Variants in CNTNAP2 observed in about 807,000 individuals in gnomAD.
CNTNAP2 encodes contactin associated protein 2, also known as contactin-associated protein-like 2.
Under a neutral mutation model 155.2 loss-of-function variants are expected in CNTNAP2, and 98 were observed. The observed-to-expected ratio is 0.63, with a 90% CI of 0.54 to 0.75. CNTNAP2 has a LOEUF of 0.75. Among genes scored for constraint, CNTNAP2 ranks in the 30% least tolerant of loss-of-function variants. The pLI is 0.00. For synonymous variants in CNTNAP2, 651 were observed against 631.2 expected, an observed-to-expected ratio of 1.03 and a Z score of -0.47; for missense variants, 1,727 against 1,688.1, an observed-to-expected ratio of 1.02 and a Z score of -0.40.
At chr7:147,857,386 T>C (rs376696964) in intron 13 of CNTNAP2, among the ~76,000 whole-genome samples, 19 of 152,342 alleles carry the variant, frequency 1.2e-4, no homozygotes, top group African/African-American at 4.3e-4. Context: ...TCTAAATATC[T>C]ACATATTACA....
intron 9 of CNTNAP2, among the ~76,000 whole-genome samples, chr7:147,304,828 T>A (rs1294474712): frequency 1.3e-5 from 2 of 152,210 alleles, no homozygotes; most frequent in Non-Finnish European, 2.9e-5. Context: ...ACAACATAAA[T>A]ATGTTTTTCA....
rs143967355 is a variant in CNTNAP2, at chr7:148,212,179, G to C, written c.3011-5109G>C. Among the ~76,000 whole-genome samples the C allele has an allele frequency of 6.6e-4, 100 of 151,308 alleles. 1 individual carries two copies. The highest frequency in any genetic ancestry group is 2.3e-3 in the African/African-American group (95 of 41,292). Reference sequence around the variant, plus strand: ...CTCCCACTGTAAGCCTCGGGGATTTGGTTAAACAAGGAGATAAATATCTTT... The same window carrying C: ...CTCCCACTGTAAGCCTCGGGGATTTCGTTAAACAAGGAGATAAATATCTTT... On this transcript the variant is annotated intron_variant, in intron 18 of 23. Coordinates refer to ENST00000361727, the MANE Select transcript of CNTNAP2 (RefSeq NM_014141.6).
chr7:148,363,644 G>A (rs1251452662), intron 21 of CNTNAP2, among the ~76,000 whole-genome samples: 1 of 152,192 alleles, frequency 6.6e-6, no homozygotes, highest in Non-Finnish European at 1.5e-5. Flanking sequence ...TTTGAGAGGT[G>A]ACAGCGTGCT....
intron 3 of CNTNAP2, among the ~76,000 whole-genome samples, chr7:146,998,384 C>A (rs529311050): frequency 6.6e-6 from 1 of 152,002 alleles, no homozygotes; most frequent in East Asian, 1.9e-4. Flanking sequence ...TCACTGTGGT[C>A]TGAAAAGATA....
chr7:147,723,848 C>T (rs1432313819), intron 13 of CNTNAP2, among the ~76,000 whole-genome samples: 1 of 151,962 alleles, frequency 6.6e-6, no homozygotes, highest in Non-Finnish European at 1.5e-5. Context: ...ATTTAGCAAA[C>T]CCGTGACCTC....
intron 1 of CNTNAP2, among the ~76,000 whole-genome samples, chr7:146,147,515 G>C (rs1043525880): frequency 2.0e-5 from 3 of 152,092 alleles, no homozygotes; most frequent in Non-Finnish European, 4.4e-5. Context: ...TAATGCAGAT[G>C]ATTAAAGTAG....
intron 21 of CNTNAP2, among the ~76,000 whole-genome samples, chr7:148,331,751 C>CAGATGGAGT (rs1798026600): frequency 4.9e-5 from 1 of 20,280 alleles, no homozygotes; most frequent in Non-Finnish European, 9.9e-5. Context: ...ATGGATGGAA[C>CAGATGGAGT]GGACGGATGG....
chr7:146,191,855 A>G (rs956068085), intron 1 of CNTNAP2, among the ~76,000 whole-genome samples: 1 of 152,116 alleles, frequency 6.6e-6, no homozygotes, highest in African/African-American at 2.4e-5. Context: ...CCCAGATTTC[A>G]TATTGTTTAA....
chr7:148,144,281 C>T (rs775591996), intron 16 of CNTNAP2, among the ~76,000 whole-genome samples: 3 of 152,304 alleles, frequency 2.0e-5, no homozygotes, highest in African/African-American at 2.4e-5. Flanking sequence ...TATAATGTCA[C>T]TCTCCGGGGC....
intron 13 of CNTNAP2, among the ~76,000 whole-genome samples, chr7:147,891,559 T>C (rs1378319997): frequency 1.3e-5 from 2 of 151,956 alleles, no homozygotes; most frequent in Non-Finnish European, 2.9e-5. Flanking sequence ...GCTAGACTGG[T>C]CAGAAAATAG....
At chr7:148,231,114 T>C (rs1245231321) in intron 20 of CNTNAP2, among the ~76,000 whole-genome samples, 2 of 152,182 alleles carry the variant, frequency 1.3e-5, no homozygotes, top group Non-Finnish European at 2.9e-5. Context: ...ACCTAAACAA[T>C]GGCTTTTCAG....
chr7:147,486,190 A>G, intron 11 of CNTNAP2, 149 bp downstream of exon 11: 1 of 410,224 alleles, frequency 2.4e-6, no homozygotes, highest in Non-Finnish European at 4.0e-6. Context: ...TTTCTCCAAA[A>G]AAAAAAAAAT....
intron 1 of CNTNAP2, among the ~76,000 whole-genome samples, chr7:146,221,235 C>T (rs1376419015): frequency 6.6e-6 from 1 of 152,154 alleles, no homozygotes; most frequent in Non-Finnish European, 1.5e-5. Flanking sequence ...CCCAATAATG[C>T]TCACACATGA....
rs563155440 is a variant in CNTNAP2, at chr7:148,261,741, A to T, written c.3382-5292A>T. ...CAGGGCGGTTCAGACACACGTCCAG[A>T]GGTCTGTGGGCAGGTTGCCATGGCT... On this transcript the variant is annotated intron_variant, in intron 20 of 23. Coordinates refer to ENST00000361727, the MANE Select transcript of CNTNAP2 (RefSeq NM_014141.6). Among the ~76,000 whole-genome samples, 3 of 152,108 alleles carry T rather than the reference A, an allele frequency of 2.0e-5. No homozygotes were observed. The South Asian group carries it at 6.2e-4, about 31-fold the overall frequency.
At chr7:148,018,005 TA>T (rs1403238021) in intron 15 of CNTNAP2, among the ~76,000 whole-genome samples, 1 of 152,200 alleles carries the variant, frequency 6.6e-6, no homozygotes, top group Non-Finnish European at 1.5e-5. Context: ...CGCTTTCTGT[TA>T]AAACTCGCCA....
At chr7:146,715,885 G>A (rs994236626) in intron 1 of CNTNAP2, among the ~76,000 whole-genome samples, 3 of 152,030 alleles carry the variant, frequency 2.0e-5, no homozygotes, top group African/African-American at 7.2e-5. Context: ...CCCATTGTTG[G>A]CTCCAAAACT....
At chr7:147,430,684 TG>T (rs1797449840) in intron 10 of CNTNAP2, among the ~76,000 whole-genome samples, 1 of 152,040 alleles carries the variant, frequency 6.6e-6, no homozygotes, top group African/African-American at 2.4e-5. Flanking sequence ...CAGTACATTA[TG>T]ATGAGTCCAA....
At chr7:146,810,429 T>C (rs1468931812) in intron 2 of CNTNAP2, among the ~76,000 whole-genome samples, 2 of 152,010 alleles carry the variant, frequency 1.3e-5, no homozygotes, top group Non-Finnish European at 2.9e-5. Context: ...TTCCTGAGCA[T>C]TTTATTGTTT....
rs142268541 is a variant in CNTNAP2, at chr7:146,714,761, T to C, written c.98-59510T>C. 3.1e-3 allele frequency among the ~76,000 whole-genome samples: 469 copies of C among 152,256 alleles called. 1 individual carries two copies. The highest frequency in any genetic ancestry group is 0.011 in the African/African-American group (445 of 41,554). On this transcript the variant is annotated intron_variant, in intron 1 of 23. Coordinates refer to ENST00000361727, the MANE Select transcript of CNTNAP2 (RefSeq NM_014141.6). ...CTAAGAAAAAACAAAGATAAACAGA[T>C]ACTTGATGGCACATTACTGAATTTC...
Sources: allele counts gnomAD v4.1 joint callset (sites outside exome capture counted in the v4.1 genomes callset), GRCh38; gene constraint gnomAD v4.1.1; transcripts MANE v1.5; gene names NCBI Gene and HGNC (gene_info 2026-07-23, HGNC 2026-07-21).